The following IL21R variants were observed in gnomAD, a reference collection of about 807,000 sequenced individuals.
The protein encoded by IL21R is interleukin-21 receptor.
Under a neutral mutation model 41.3 loss-of-function variants are expected in IL21R, and 14 were observed. That is an observed-to-expected ratio of 0.34 (90% CI 0.22 to 0.53). IL21R has a LOEUF of 0.53. IL21R is among the 20% of genes least tolerant of loss of function. The probability of loss-of-function intolerance (pLI) is 0.94; values close to 1 mark genes in which losing one functional copy is unlikely to be tolerated. For missense variants in IL21R, 588 were observed against 681.6 expected, an observed-to-expected ratio of 0.86 and a Z score of 1.53; for synonymous variants, 286 against 287.6, an observed-to-expected ratio of 0.99 and a Z score of 0.05.
At chr16:27,435,434 TTTTTATTTTA>T (rs377373260) in intron 3 of IL21R, among the ~76,000 whole-genome samples, 19 of 151,254 alleles carry the variant, frequency 1.3e-4, no homozygotes, top group South Asian at 4.2e-4. Flanking sequence ...TGCTTTCTCT[TTTTTATTTTA>T]TTTTATTTTA....
At chr16:27,425,922 A>C (rs2087069044) in intron 1 of IL21R, among the ~76,000 whole-genome samples, 1 of 152,212 alleles carries the variant, frequency 6.6e-6, no homozygotes, top group Non-Finnish European at 1.5e-5. Context: ...GGCAGGCAGT[A>C]GCATGTCACT....
chr16:27,403,088 A>G (rs1021489426), intron 1 of IL21R: 2 of 551,258 alleles, frequency 3.6e-6, no homozygotes, highest in African/African-American at 3.8e-5. Flanking sequence ...AGATGAGGCA[A>G]TGAGGCTGCG....
At chr16:27,431,218 T>C (rs900686455) in intron 2 of IL21R, among the ~76,000 whole-genome samples, 2 of 152,232 alleles carry the variant, frequency 1.3e-5, no homozygotes, top group African/African-American at 4.8e-5. Context: ...AGGAAACAGA[T>C]GTCAAGCTTT....
At chr16:27,418,325 T>G (rs763444947) in intron 1 of IL21R, among the ~76,000 whole-genome samples, 4 of 151,250 alleles carry the variant, frequency 2.6e-5, no homozygotes, top group Non-Finnish European at 4.4e-5. Flanking sequence ...GTCTCGCCCT[T>G]CCAAAGCGCT....
At chr16:27,439,304 G>C (rs3093403) in intron 4 of IL21R, among the ~76,000 whole-genome samples, 2 of 151,778 alleles carry the variant, frequency 1.3e-5, no homozygotes, top group Non-Finnish European at 2.9e-5. Flanking sequence ...GGACACAGAG[G>C]CCCACACTGC....
intron 1 of IL21R, among the ~76,000 whole-genome samples, chr16:27,414,165 A>AGTGTGTGTTTGTGTGTGTGT (rs2086861041): frequency 6.9e-6 from 1 of 144,186 alleles, no homozygotes; most frequent in Non-Finnish European, 1.5e-5. Context: ...AGCTATGTAT[A>AGTGTGTGTTTGTGTGTGTGT]GTGTGTGTGT....
intron 4 of IL21R, among the ~76,000 whole-genome samples, chr16:27,442,283 CGT>C (rs1259589910): frequency 2.6e-5 from 4 of 152,150 alleles, no homozygotes; most frequent in African/African-American, 9.6e-5. Context: ...TAGGCATGTG[CGT>C]GTGTGTTTCC....
intron 8 of IL21R, among the ~76,000 whole-genome samples, chr16:27,447,193 G>A (rs2141315701): frequency 6.6e-6 from 1 of 152,242 alleles, no homozygotes; most frequent in East Asian, 1.9e-4. Flanking sequence ...ATATCACATT[G>A]ATTTTGGGTT....
At chr16:27,419,034 G>A (rs1317569523) in intron 1 of IL21R, among the ~76,000 whole-genome samples, 1 of 151,972 alleles carries the variant, frequency 6.6e-6, no homozygotes, top group East Asian at 1.9e-4. Context: ...GGCCAACATG[G>A]TGAAAGCCCC....
At chr16:27,439,050 C>T (rs765952755) in intron 4 of IL21R, among the ~76,000 whole-genome samples, 23 of 152,066 alleles carry the variant, frequency 1.5e-4, no homozygotes, top group Non-Finnish European at 2.6e-4. Flanking sequence ...GAGTTTCTGC[C>T]GCTAGATTCC....
chr16:27,445,229 A>C lies in IL21R; in HGVS notation c.738A>C (p.Ile246=). ...TGCTGCTTCTCCTCCTGCTTGTCAT[A>C]GTCTTCATTCCTGCCTTCTGGAGCC... ...PHLLLLLLLV[I]VFIPAFWSLK... The change falls in exon 7 of 9, where the codon ATA becomes ATC. Residue 246 remains isoleucine, a synonymous_variant. Transcript: ENST00000337929. 2 of 1,614,052 alleles carry C rather than the reference A, an allele frequency of 1.2e-6. No individual in the cohort carries two copies. The highest frequency in any genetic ancestry group is 8.5e-7 in the Non-Finnish European group (1 of 1,179,970).
chr16:27,416,271 A>G (rs8057432), intron 1 of IL21R, among the ~76,000 whole-genome samples: 43,906 of 151,926 alleles, frequency 0.29, 6,874 homozygotes, highest in East Asian at 0.62. Flanking sequence ...CTAGTAGCCT[A>G]CACTACAGGT....
intron 1 of IL21R, among the ~76,000 whole-genome samples, chr16:27,409,554 G>T (rs1185702388): frequency 6.6e-6 from 1 of 151,352 alleles, no homozygotes; most frequent in Admixed American, 6.6e-5. Context: ...TATGGTGTAA[G>T]GTAGGGGTCA....
chr16:27,444,593 C>A lies in IL21R; in HGVS notation c.559C>A (p.Pro187Thr). 6.3e-7 allele frequency: 1 copy of A among 1,576,794 alleles called. No homozygotes were observed. The highest frequency in any genetic ancestry group is 2.4e-5 in the East Asian group (1 of 41,592). ...SVDSRSVSLL[P>T]LEFRKDSSYE... ...GGACTCAAGAAGTGTCTCCCTCCTC[C>A]CCCTGGAGTTCCGCAAAGACTCGAG... Residue 187 changes from proline (P) to threonine (T), a missense_variant, in exon 6 of 9, where the codon CCC (proline) becomes ACC (threonine). Physicochemically the swap from Pro to Thr is conservative, Grantham distance 38. Coordinates refer to ENST00000337929, the MANE Select transcript of IL21R (RefSeq NM_181078.3).
At chr16:27,445,648 T>C (rs1278533431) in intron 7 of IL21R, among the ~76,000 whole-genome samples, 1 of 152,102 alleles carries the variant, frequency 6.6e-6, no homozygotes, top group Non-Finnish European at 1.5e-5. Flanking sequence ...TTAATGGGCT[T>C]AAGGGGCCAC....
intron 1 of IL21R, among the ~76,000 whole-genome samples, chr16:27,408,771 C>T (rs1276172984): frequency 1.3e-5 from 2 of 152,288 alleles, no homozygotes; most frequent in South Asian, 2.1e-4. Context: ...TTTACTTTTA[C>T]CACACTACCC....
chr16:27,419,271 G>A (rs886380108), intron 1 of IL21R, among the ~76,000 whole-genome samples: 2 of 152,032 alleles, frequency 1.3e-5, no homozygotes, highest in African/African-American at 4.8e-5. Flanking sequence ...GCCTACACAG[G>A]GTCAAGATCA....
intron 1 of IL21R, among the ~76,000 whole-genome samples, chr16:27,411,098 C>G (rs774742996): frequency 4.6e-5 from 7 of 152,200 alleles, no homozygotes; most frequent in Non-Finnish European, 8.8e-5. Context: ...CTCATCTTAG[C>G]TATTGTAAAT....
At position 27,451,973 on chromosome 16, in the gene IL21R, C is replaced by G. The variant is rs1377265879; in HGVS notation, c.*2690C>G. On this transcript the variant is annotated 3_prime_UTR_variant, in exon 9 of 9. Transcript: ENST00000337929. Reference sequence around the variant, plus strand: ...CACAAGTTATACCAGGCCAGCAACTCTATTTTGTTCACTGCCTTTAGTCCC... The same window carrying G: ...CACAAGTTATACCAGGCCAGCAACTGTATTTTGTTCACTGCCTTTAGTCCC... 2 of 228,846 alleles carry G rather than the reference C, an allele frequency of 8.7e-6. No homozygotes were observed. Among genetic ancestry groups the G allele is most frequent in the Non-Finnish European group, 1.7e-5 (2 of 115,374 alleles). 14.2% of individuals were successfully genotyped at this position (228,846 alleles called of 1,614,324 possible).
Sources: gnomAD v4.1 joint callset for allele counts (sites outside exome capture counted in the v4.1 genomes callset) on GRCh38, gnomAD v4.1.1 for gene constraint, MANE v1.5 for transcripts, NCBI Gene and HGNC (gene_info 2026-07-23, HGNC 2026-07-21) for gene names.